The following FBXO44 variants were observed in gnomAD, a reference collection of about 807,000 sequenced individuals.
FBXO44 encodes the protein F-box only protein 44.
A neutral mutation model predicts 33.5 loss-of-function variants in FBXO44; 25 were observed. That is an observed-to-expected ratio of 0.75 (90% CI 0.54 to 1.04). The LOEUF is 1.04. FBXO44 is among the 50% of genes least tolerant of loss of function. FBXO44 has a pLI of 0.00. For synonymous variants in FBXO44, 147 were observed against 152.8 expected, an observed-to-expected ratio of 0.96 and a Z score of 0.28; for missense variants, 311 against 344.0, an observed-to-expected ratio of 0.90 and a Z score of 0.76.
intron 2 of FBXO44, among the ~76,000 whole-genome samples, chr1:11,656,859 G>A (rs1319604178): frequency 6.6e-6 from 1 of 152,226 alleles, no homozygotes; most frequent in African/African-American, 2.4e-5. Flanking sequence ...ACAAGGCCAG[G>A]AAGTCAGAGC....
At position 11,661,388 on chromosome 1, in the gene FBXO44, C is replaced by G; in HGVS notation, c.*115C>G. On this transcript the variant is annotated 3_prime_UTR_variant, in exon 6 of 6. Coordinates refer to ENST00000251547, the MANE Select transcript of FBXO44 (RefSeq NM_033182.7). The surrounding 1 kb of genome is among the most constrained non-coding windows in gnomAD (Gnocchi z 4.4). ...GGTGTCCCCAGACCTCTAACCCTTGCCCCTAGCAGCCTCTTCTTTGTGGAG... is the reference window on the plus strand; with the variant it reads ...GGTGTCCCCAGACCTCTAACCCTTGGCCCTAGCAGCCTCTTCTTTGTGGAG... The G allele has an allele frequency of 6.9e-7, 1 of 1,448,526 alleles. No individual in the cohort carries two copies. The highest frequency in any genetic ancestry group is 9.4e-7 in the Non-Finnish European group (1 of 1,065,438). 89.7% of individuals were successfully genotyped at this position (1,448,526 alleles called of 1,614,324 possible). A position where few individuals can be genotyped will look rare whatever the true frequency, so the allele number is the denominator to read the frequency against.
rs920380974 is a variant in FBXO44, at chr1:11,657,362, G to A, written c.266-905G>A. On this transcript the variant is annotated intron_variant, in intron 2 of 5. Transcript: ENST00000251547. ...TGAGGCTCAGAGAGGAAAAGCAACT[G>A]GCCTGAGGTCACACAGCTGAGTACT... Among the ~76,000 whole-genome samples the A allele has an allele frequency of 5.9e-5, 9 of 152,144 alleles. 1 individual carries two copies. The highest frequency in any genetic ancestry group is 2.9e-5 in the Non-Finnish European group (2 of 68,024).
chr1:11,657,775 AAGGGG>A (rs1639904112), intron 2 of FBXO44, among the ~76,000 whole-genome samples: 1 of 152,180 alleles, frequency 6.6e-6, no homozygotes. Context: ...TTGTGTTTTT[AAGGGG>A]TTATAGGAAA....
intron 2 of FBXO44, 33 bp from the exon 3 acceptor site, chr1:11,658,234 T>C (rs1244668023): frequency 6.2e-7 from 1 of 1,610,664 alleles, no homozygotes; most frequent in African/African-American, 1.3e-5. Context: ...ACTGAGGGGC[T>C]TCCCTTCAGT....
chr1:11,658,639 G>T lies in FBXO44; in HGVS notation c.488+11G>T. 1 of 1,613,092 alleles carries T rather than the reference G, an allele frequency of 6.2e-7. No homozygotes were observed. Among genetic ancestry groups the T allele is most frequent in the East Asian group, 2.2e-5 (1 of 44,842 alleles). Reference sequence around the variant, plus strand: ...CGAGGTCAAGGACTGGTGAGTGCCTGGGGCGAGGGTCTGGGGTGGGGCATG... The same window carrying T: ...CGAGGTCAAGGACTGGTGAGTGCCTTGGGCGAGGGTCTGGGGTGGGGCATG... On this transcript the variant is annotated intron_variant, in intron 4 of 5. Coordinates refer to ENST00000251547, the MANE Select transcript of FBXO44 (RefSeq NM_033182.7).
Position 11,661,068 on chromosome 1 carries a change from C to A in FBXO44, c.625-62C>A. The A allele has an allele frequency of 6.6e-7, 1 of 1,515,350 alleles. No individual in the cohort carries two copies. Among genetic ancestry groups the A allele is most frequent in the Non-Finnish European group, 9.0e-7 (1 of 1,110,850 alleles). The allele number at this position is 1,515,350 out of a possible 1,614,324, so 93.9% of individuals were successfully genotyped here. A position where few individuals can be genotyped will look rare whatever the true frequency, so the allele number is the denominator to read the frequency against. On this transcript the variant is annotated intron_variant, in intron 5 of 5. Coordinates refer to ENST00000251547, the MANE Select transcript of FBXO44 (RefSeq NM_033182.7). This position sits in a 1 kb window ranked among gnomAD's most constrained non-coding sequence, Gnocchi z 4.4. ...AAAGTACTGGGATTCCCGGTGTGAG[C>A]CGCCACACCCAGCCTGAGTCAGCTC...
intron 1 of FBXO44, 73 bp from the exon 2 acceptor site, chr1:11,655,733 T>A: frequency 6.7e-7 from 1 of 1,485,456 alleles, no homozygotes; most frequent in South Asian, 1.2e-5. Flanking sequence ...GGAAACAGGC[T>A]GGGAGAGGCA....
chr1:11,656,131 C>T, intron 2 of FBXO44, 31 bp downstream of exon 2: 1 of 1,606,718 alleles, frequency 6.2e-7, no homozygotes, highest in Non-Finnish European at 8.5e-7. Context: ...GGCATGCCTC[C>T]AGTACACAGT....
In FBXO44 at chr1:11,658,387, C is replaced by T; in HGVS notation, c.386C>T (p.Ser129Leu). The T allele has an allele frequency of 6.2e-7, 1 of 1,613,916 alleles. No homozygotes were observed. The highest frequency in any genetic ancestry group is 8.5e-7 in the Non-Finnish European group (1 of 1,179,994). The change falls in exon 3 of 6, where the codon TCA becomes TTA. Residue 129 changes from serine (S) to leucine (L), a missense_variant. Coordinates refer to ENST00000251547, the MANE Select transcript of FBXO44 (RefSeq NM_033182.7). ...CAGGTCAAGAAATACTTCGTTACTT[C>T]ATATTAGTAAGATCCGGGGACTTGG... ...NDQVKKYFVT[S>L]YYTCLKSQVV...
At chr1:11,660,036 A>G (rs568795630) in intron 5 of FBXO44, among the ~76,000 whole-genome samples, 1 of 152,404 alleles carries the variant, frequency 6.6e-6, no homozygotes, top group South Asian at 2.1e-4. Flanking sequence ...CTGTAGTGAT[A>G]GAAATGGTCT....
At position 11,656,311 on chromosome 1, in the gene FBXO44, C is replaced by CTT. The variant is rs34347559; in HGVS notation, c.265+232_265+233dup. The stretch of plus-strand genomic sequence containing the variant: ...TGGTGTTTCTTATTCTTACTATACT[C>CTT]TTTTTTTTTTTTTTTTTTTTTTGAG... On this transcript the variant is annotated intron_variant, in intron 2 of 5. Transcript: ENST00000251547. Among the ~76,000 whole-genome samples, 551 of 93,808 alleles carry CTT rather than the reference C, an allele frequency of 5.9e-3. 4 individuals carry two copies. The highest frequency in any genetic ancestry group is 6.8e-3 in the Non-Finnish European group (341 of 50,392). The allele number at this position is 93,808 out of a possible 152,430, so 61.5% of individuals were successfully genotyped here.
rs773551310 is a variant in FBXO44 at position 11,661,575 on chromosome 1, C to T, written c.*302C>T. ...TGTTCCCCTGGGCCCCTCAGAAAGT[C>T]GAGCTTGGAGGCCAGCCTGGATCTG... is the stretch of plus-strand genomic sequence containing the variant. On this transcript the variant is annotated 3_prime_UTR_variant, in exon 6 of 6. Coordinates refer to ENST00000251547, the MANE Select transcript of FBXO44 (RefSeq NM_033182.7). The surrounding 1 kb of genome is among the most constrained non-coding windows in gnomAD (Gnocchi z 4.4). 4.7e-5 allele frequency: 19 copies of T among 404,056 alleles called. No homozygotes were observed. Among genetic ancestry groups the T allele is most frequent in the Non-Finnish European group, 7.5e-5 (17 of 225,292 alleles). The allele number at this position is 404,056 out of a possible 1,614,324, so 25.0% of individuals were successfully genotyped here. A position where few individuals can be genotyped will look rare whatever the true frequency, so the allele number is the denominator to read the frequency against.
upstream of FBXO44, chr1:11,654,484 C>G: frequency 1.3e-6 from 1 of 779,292 alleles, no homozygotes; most frequent in Non-Finnish European, 1.8e-6. Flanking sequence ...CCCGCCCCGC[C>G]CCGCCTCTGG....
intron 5 of FBXO44, among the ~76,000 whole-genome samples, chr1:11,659,472 G>A (rs570269153): frequency 4.6e-5 from 7 of 152,238 alleles, no homozygotes; most frequent in Admixed American, 3.9e-4. Flanking sequence ...CTAGACTGGG[G>A]TCAGCAAATA....
intron 1 of FBXO44, 86 bp downstream of exon 1, chr1:11,655,038 C>G (rs1639676363): frequency 6.6e-6 from 1 of 152,200 alleles, no homozygotes; most frequent in South Asian, 1.8e-4. Flanking sequence ...GGTTCCGGGT[C>G]GCGCCGCAGT....
rs150816569 is a variant in FBXO44 at position 11,658,802 on chromosome 1, C to T, written c.555C>T (p.His185=). The T allele has an allele frequency of 7.2e-3, 11,588 of 1,613,836 alleles. 62 individuals are homozygous for T. The highest frequency in any genetic ancestry group is 0.012 in the Admixed American group (707 of 60,034). The change falls in exon 5 of 6, where the codon CAC becomes CAT. Residue 185 remains histidine (H), a synonymous_variant. Transcript: ENST00000251547. ...QLCVQLLSSA[H]APLGTFQPDP... is the part of the protein sequence containing the mutation. ...GCGTTCAGCTCCTGTCGTCCGCGCA[C>T]GCGCCTCTGGGGACCTTCCAGCCAG...
chr1:11,655,545 G>C (rs1639718308), intron 1 of FBXO44: 1 of 471,102 alleles, frequency 2.1e-6, no homozygotes, highest in Non-Finnish European at 3.8e-6. Flanking sequence ...AATCAAAGAA[G>C]ATCCGGGCTT....
rs766909725 is a variant in FBXO44, at chr1:11,658,275, G to T, written c.274G>T (p.Glu92Ter). 18 of 1,613,690 alleles carry T rather than the reference G, an allele frequency of 1.1e-5. No individual in the cohort carries two copies. Among genetic ancestry groups the T allele is most frequent in the Non-Finnish European group, 1.4e-5 (17 of 1,179,954 alleles). Residue 92 changes from glutamate (E) to a stop codon, truncating the protein, a stop_gained, in exon 3 of 6, where the codon GAG becomes TAG. Transcript: ENST00000251547. LOFTEE classifies it high-confidence loss of function. ...LHNPCAEEGF[E>*]FWSLDVNGGD... The stretch of plus-strand genomic sequence containing the variant: ...CTCTGCTTTTCCATCAGAGGGGTTC[G>T]AGTTCTGGAGCCTGGATGTGAATGG...
intron 2 of FBXO44, 73 bp from the exon 3 acceptor site, chr1:11,658,194 G>A (rs1402286004): frequency 6.2e-6 from 10 of 1,603,492 alleles, no homozygotes; most frequent in Non-Finnish European, 5.9e-6. Flanking sequence ...AGAGGAGTGG[G>A]GAGGAAGGGG....
Sources: gnomAD v4.1 joint callset for allele counts (sites outside exome capture counted in the v4.1 genomes callset) on GRCh38, gnomAD v4.1.1 for gene constraint, Gnocchi (gnomAD v3.1) non-coding constraint, MANE v1.5 for transcripts, NCBI Gene and HGNC (gene_info 2026-07-23, HGNC 2026-07-21) for gene names.